Variants in DOCK7 observed in about 807,000 individuals in gnomAD.
DOCK7 encodes the protein dedicator of cytokinesis protein 7.
In DOCK7, 138 loss-of-function variants were observed where a neutral mutation model predicts 271.0. That is an observed-to-expected ratio of 0.51 (90% CI 0.44 to 0.59). The LOEUF is 0.59. Ranked by LOEUF, DOCK7 falls within the 20% of genes least tolerant of loss-of-function variation. The pLI, the probability that DOCK7 is intolerant of heterozygous loss-of-function variation, is 0.00. For synonymous variants in DOCK7, 823 were observed against 876.1 expected (o/e 0.94, Z 1.07); for missense variants, 2,066 against 2,592.4 (o/e 0.80, Z 4.41).
At chr1:62,532,052 G>GT (rs1176643322) in intron 29 of DOCK7, among the ~76,000 whole-genome samples, 1 of 129,574 alleles carries the variant, frequency 7.7e-6, no homozygotes, top group African/African-American at 3.4e-5. Context: ...CAACATGGCT[G>GT]TTATTTATGA....
Position 62,457,529 on chromosome 1 carries a change from T to C in DOCK7, c.6380+9A>G. 6.2e-7 allele frequency: 1 copy of C among 1,609,658 alleles called. No individual in the cohort carries two copies. Among genetic ancestry groups the C allele is most frequent in the Non-Finnish European group, 8.5e-7 (1 of 1,178,584 alleles). On this transcript the variant is annotated intron_variant, in intron 49 of 49. Transcript: ENST00000635253. ...AAGAATATCTAAAACCACTTAAAAATAAGCATACCTGTGGCAGGTGACAGG... is the reference window on the plus strand; with the variant it reads ...AAGAATATCTAAAACCACTTAAAAACAAGCATACCTGTGGCAGGTGACAGG...
intron 27 of DOCK7, 143 bp from the exon 28 acceptor site, chr1:62,538,204 T>C: frequency 1.4e-6 from 1 of 738,892 alleles, no homozygotes; most frequent in East Asian, 2.8e-5. Flanking sequence ...GTATCACCTT[T>C]TTCCAGAGTT....
rs79214705 is a variant in DOCK7 at position 62,613,889 on chromosome 1, C to T, written c.1682+4817G>A. ...TTTTTTTCAGATATAAATTTGAACCCCCTGAACTTCAGCTTTGTCATCTAT... is the reference window on the plus strand; with the variant it reads ...TTTTTTTCAGATATAAATTTGAACCTCCTGAACTTCAGCTTTGTCATCTAT... On this transcript the variant is annotated intron_variant, in intron 14 of 49. Coordinates refer to ENST00000635253, the MANE Select transcript of DOCK7 (RefSeq NM_001367561.1). Among the ~76,000 whole-genome samples the T allele has an allele frequency of 3.2e-3, 491 of 152,168 alleles. 7 individuals carry two copies. The highest frequency in any genetic ancestry group is 0.028 in the East Asian group (146 of 5,190).
intron 29 of DOCK7, 124 bp downstream of exon 29, chr1:62,535,369 G>A: frequency 1.3e-6 from 1 of 741,394 alleles, no homozygotes; most frequent in Non-Finnish European, 2.1e-6. Context: ...ACTTAGTGAA[G>A]AGGGAAGTAG....
chr1:62,529,323 C>T lies in DOCK7; in HGVS notation c.3735G>A (p.Leu1245=). 1 of 1,612,488 alleles carries T rather than the reference C, an allele frequency of 6.2e-7. No individual in the cohort carries two copies. Among genetic ancestry groups the T allele is most frequent in the Non-Finnish European group, 8.5e-7 (1 of 1,179,538 alleles). ...KARVAMLYLP[L]IGIIMETVPQ... The stretch of plus-strand genomic sequence containing the variant: ...GTACAGTTTCCATGATAATACCAAT[C>T]AGAGGTAGATACAACATGGCCACTC... Residue 1245 remains leucine (L), a synonymous_variant, in exon 30 of 50, where the codon CTG becomes CTA. Coordinates refer to ENST00000635253, the MANE Select transcript of DOCK7 (RefSeq NM_001367561.1).
chr1:62,593,814 A>G (rs576407095), intron 14 of DOCK7, among the ~76,000 whole-genome samples: 1 of 152,308 alleles, frequency 6.6e-6, no homozygotes, highest in African/African-American at 2.4e-5. Context: ...TATAAAACAT[A>G]CAATAGGATC....
intron 4 of DOCK7, among the ~76,000 whole-genome samples, chr1:62,653,524 A>G (rs1657625098): frequency 6.6e-6 from 1 of 152,204 alleles, no homozygotes; most frequent in South Asian, 2.1e-4. Context: ...CTATTTTCCC[A>G]TGAATTATAT....
intron 8 of DOCK7, chr1:62,635,166 G>A (rs1297957140): frequency 1.1e-5 from 3 of 283,498 alleles, no homozygotes; most frequent in African/African-American, 6.6e-5. Flanking sequence ...CAGATAGTAG[G>A]ATATTATACT....
chr1:62,654,249 T>G, intron 2 of DOCK7, 90 bp from the exon 3 acceptor site: 2 of 1,243,930 alleles, frequency 1.6e-6, no homozygotes, highest in Non-Finnish European at 2.2e-6. Flanking sequence ...TTTTTTTAAA[T>G]AAAAGCTTTT....
rs371834901 is a variant in DOCK7, at chr1:62,586,250, G to A, written c.1800+257C>T. Among the ~76,000 whole-genome samples the A allele has an allele frequency of 1.5e-4, 23 of 152,182 alleles. No individual in the cohort carries two copies. In the South Asian group the frequency reaches 4.8e-3, roughly 32 times the overall value. On this transcript the variant is annotated intron_variant, in intron 15 of 49. Transcript: ENST00000635253. ...GAAAATCACTATTTTAGATTTATAT[G>A]TATTCATTTTATATCCTCTGGATTA...
rs1428550714 is a variant in DOCK7 at position 62,535,757 on chromosome 1, G to A, written c.3472-125C>T. The A allele has an allele frequency of 1.2e-5, 10 of 846,844 alleles. No homozygotes were observed. In the African/African-American group the frequency reaches 1.7e-4, roughly 15 times the overall value. The allele number at this position is 846,844 out of a possible 1,614,324, so 52.5% of individuals were successfully genotyped here. On this transcript the variant is annotated intron_variant, in intron 28 of 49. Transcript: ENST00000635253. ...TTTATTTTATATTACTAACACTGAA[G>A]ACAAAGCAACTTTTCAGACTTTTGG...
intron 14 of DOCK7, among the ~76,000 whole-genome samples, chr1:62,599,056 A>G (rs1219982779): frequency 1.3e-5 from 2 of 152,112 alleles, no homozygotes; most frequent in Non-Finnish European, 2.9e-5. Context: ...TACAAAGATA[A>G]TAACAGAACT....
intron 14 of DOCK7, among the ~76,000 whole-genome samples, chr1:62,594,123 T>C (rs1282528475): frequency 1.3e-5 from 2 of 152,078 alleles, no homozygotes; most frequent in Non-Finnish European, 2.9e-5. Flanking sequence ...TGGCATAAAA[T>C]TTTTTAGTTT....
At chr1:62,593,569 C>T (rs1331478599) in intron 14 of DOCK7, among the ~76,000 whole-genome samples, 4 of 152,030 alleles carry the variant, frequency 2.6e-5, no homozygotes, top group Admixed American at 2.6e-4. Flanking sequence ...AAAACTCCGT[C>T]TCAAAAATAA....
At chr1:62,509,798 T>C (rs1267335550) in intron 34 of DOCK7, among the ~76,000 whole-genome samples, 13 of 152,190 alleles carry the variant, frequency 8.5e-5, no homozygotes, top group Admixed American at 8.5e-4. Flanking sequence ...TGAAAGTTTA[T>C]TTGTGAGAAT....
intron 37 of DOCK7, among the ~76,000 whole-genome samples, chr1:62,500,686 T>C (rs1041151347): frequency 2.0e-5 from 3 of 152,226 alleles, no homozygotes; most frequent in Non-Finnish European, 2.9e-5. Context: ...AAAATACCTT[T>C]CAATATATCT....
intron 25 of DOCK7, 84 bp from the exon 26 acceptor site, chr1:62,539,976 A>G: frequency 1.1e-6 from 1 of 913,428 alleles, no homozygotes; most frequent in Non-Finnish European, 1.5e-6. Flanking sequence ...TATTTTTAAA[A>G]TATGGCATGT....
At chr1:62,552,967 T>C (rs1645960614) in intron 21 of DOCK7, 66 bp from the exon 22 acceptor site, 1 of 1,243,222 alleles carries the variant, frequency 8.0e-7, no homozygotes, top group African/African-American at 1.6e-5. Context: ...TGAAAAAAAA[T>C]CTCTGCCACT....
At chr1:62,506,557 G>C (rs7527004) in intron 35 of DOCK7, among the ~76,000 whole-genome samples, 3 of 151,188 alleles carry the variant, frequency 2.0e-5, no homozygotes, top group Non-Finnish European at 4.4e-5. Context: ...TGCAACCTCC[G>C]CCTCCTGGCT....
Sources: allele counts gnomAD v4.1 joint callset (sites outside exome capture counted in the v4.1 genomes callset), GRCh38; gene constraint gnomAD v4.1.1; transcripts MANE v1.5; gene names NCBI Gene and HGNC (gene_info 2026-07-23, HGNC 2026-07-21).